CCDC187: variants seen among roughly 807,000 people sequenced by gnomAD.
The protein encoded by CCDC187 is coiled-coil domain-containing protein 187.
Under a neutral mutation model 38.0 loss-of-function variants are expected in CCDC187, and 32 were observed. The observed-to-expected ratio is 0.84, with a 90% CI of 0.64 to 1.13. The LOEUF (loss-of-function observed/expected upper bound fraction) is 1.13, where lower values mean the gene tolerates loss of function less well. CCDC187 is among the 50% of genes most tolerant of loss of function. The pLI is 0.00. For synonymous variants in CCDC187, 333 were observed against 347.9 expected, an observed-to-expected ratio of 0.96 and a Z score of 0.48; for missense variants, 707 against 786.8, an observed-to-expected ratio of 0.90 and a Z score of 1.21.
intron 7 of CCDC187, among the ~76,000 whole-genome samples, chr9:136,287,100 G>A (rs1388130014): frequency 1.3e-5 from 2 of 152,298 alleles, no homozygotes; most frequent in African/African-American, 4.8e-5. Context: ...GCCAAAAGGT[G>A]GAAACCACCC....
intron 10 of CCDC187, 123 bp downstream of exon 10, chr9:136,281,428 T>C: frequency 5.0e-6 from 2 of 398,122 alleles, no homozygotes; most frequent in South Asian, 2.5e-4. Flanking sequence ...GCTCTCCACG[T>C]GGAAAAGGAT....
intron 12 of CCDC187, 30 bp downstream of exon 12, chr9:136,276,162 CAG>C (rs1830926977): frequency 6.6e-6 from 1 of 152,256 alleles, no homozygotes; most frequent in Non-Finnish European, 1.5e-5. Flanking sequence ...CCTGCAGAGA[CAG>C]GGGCTCCCCC....
chr9:136,283,489 G>C (rs1831096130), intron 9 of CCDC187, among the ~76,000 whole-genome samples: 1 of 152,236 alleles, frequency 6.6e-6, no homozygotes, highest in Non-Finnish European at 1.5e-5. Flanking sequence ...GCGAGCCTCT[G>C]AGCCTCTCCC....
intron 4 of CCDC187, among the ~76,000 whole-genome samples, chr9:136,292,735 C>A (rs1220741512): frequency 6.6e-6 from 1 of 152,212 alleles, no homozygotes; most frequent in Non-Finnish European, 1.5e-5. Context: ...TCGGGCTCCG[C>A]GCAGCACGGG....
At chr9:136,284,121 A>AGAGGG (rs1402125421) in intron 9 of CCDC187, among the ~76,000 whole-genome samples, 3 of 151,692 alleles carry the variant, frequency 2.0e-5, no homozygotes, top group Non-Finnish European at 4.4e-5. Flanking sequence ...CAGCAGGAGG[A>AGAGGG]GAGGGGAGGG....
In CCDC187 at chr9:136,251,000, G is replaced by A. The variant is rs1830528995; in HGVS notation, c.*2594C>T. ...GTGTCCTGTGACCTGGCATCTTAGG[G>A]CTTTGCCACGCCAGCTTTGTGATGC... On this transcript the variant is annotated 3_prime_UTR_variant, in exon 26 of 26. Transcript: ENST00000638797. 2 of 456,266 alleles carry A rather than the reference G, an allele frequency of 4.4e-6. No homozygotes were observed. The highest frequency in any genetic ancestry group is 4.7e-5 in the Admixed American group (2 of 42,586). The allele number at this position is 456,266 out of a possible 1,614,324, so 28.3% of individuals were successfully genotyped here.
In CCDC187 at chr9:136,258,588, T is replaced by A. The variant is rs1198623118; in HGVS notation, c.4366+344A>T. On this transcript the variant is annotated intron_variant, in intron 22 of 25. Transcript: ENST00000638797. This position sits in a 1 kb window ranked among gnomAD's most constrained non-coding sequence, Gnocchi z 4.3. ...AAGGTTCAGAAAGAGAAAAATGTAA[T>A]CGGTGCAGAAACCTCCGTCAGCTGA... 18 of 645,254 alleles carry A rather than the reference T, an allele frequency of 2.8e-5. No individual in the cohort carries two copies. Among genetic ancestry groups the A allele is most frequent in the Non-Finnish European group, 2.9e-5 (15 of 519,584 alleles). The allele number at this position is 645,254 out of a possible 1,614,324, so 40.0% of individuals were successfully genotyped here.
intron 19 of CCDC187, among the ~76,000 whole-genome samples, chr9:136,261,780 G>A (rs1025843443): frequency 2.6e-5 from 4 of 152,200 alleles, no homozygotes; most frequent in African/African-American, 7.2e-5. Flanking sequence ...GCTGCCCCCC[G>A]CTTTCTGCTT....
chr9:136,260,957 G>C (rs915192993), intron 19 of CCDC187, among the ~76,000 whole-genome samples: 3 of 152,204 alleles, frequency 2.0e-5, no homozygotes, highest in Admixed American at 1.3e-4. Context: ...TCCAGGGCCC[G>C]GCACTCAGCC....
intron 2 of CCDC187, among the ~76,000 whole-genome samples, chr9:136,301,473 A>T (rs1831680623): frequency 6.6e-6 from 1 of 152,104 alleles, no homozygotes; most frequent in Admixed American, 6.6e-5. Context: ...TGGGAAGATG[A>T]ACAGTCCTGG....
At chr9:136,299,445 C>A (rs987362532) in intron 3 of CCDC187, among the ~76,000 whole-genome samples, 16 of 152,212 alleles carry the variant, frequency 1.1e-4, no homozygotes, top group Admixed American at 2.0e-4. Context: ...GAGCCCGAAA[C>A]GCCTCCGCTC....
At chr9:136,295,136 A>G (rs1831503499) in intron 4 of CCDC187, among the ~76,000 whole-genome samples, 1 of 152,252 alleles carries the variant, frequency 6.6e-6, no homozygotes, top group African/African-American at 2.4e-5. Context: ...AGTTGAGGCC[A>G]GCGTGACCCA....
rs1299545137 is a variant in CCDC187, at chr9:136,279,652, A to G, written c.3040+1899T>C. ...CGGTCAGCAAATCCAGCAGTGGGAG[A>G]ACGGAGCCCCATCCCAGCCCATACC... On this transcript the variant is annotated intron_variant, in intron 10 of 25. Coordinates refer to ENST00000638797, the MANE Select transcript of CCDC187 (RefSeq NM_001378188.1). 2.0e-5 allele frequency among the ~76,000 whole-genome samples: 3 copies of G among 152,172 alleles called. No individual in the cohort carries two copies. In the East Asian group the frequency reaches 5.8e-4, roughly 29 times the overall value.
At position 136,264,698 on chromosome 9, in the gene CCDC187, C is replaced by T. The variant is rs1218579551; in HGVS notation, c.3736-900G>A. 1.3e-5 allele frequency among the ~76,000 whole-genome samples: 2 copies of T among 151,930 alleles called. No individual in the cohort carries two copies. Among genetic ancestry groups the T allele is most frequent in the Admixed American group, 1.3e-4 (2 of 15,268 alleles). On this transcript the variant is annotated intron_variant, in intron 17 of 25. Transcript: ENST00000638797. This position sits in a 1 kb window ranked among gnomAD's most constrained non-coding sequence, Gnocchi z 4.3. The stretch of plus-strand genomic sequence containing the variant: ...CGGGGCTTTCCAGTCAACATAAGGT[C>T]CTGCACTGACCCCATTTCCCAGCAG...
intron 3 of CCDC187, 133 bp from the exon 4 acceptor site, chr9:136,297,954 C>A (rs1831576252): frequency 5.1e-6 from 2 of 393,504 alleles, no homozygotes; most frequent in Non-Finnish European, 9.0e-6. Context: ...CAGTCCTGCT[C>A]CCTGCTTGGC....
chr9:136,272,747 G>A (rs1554762608), intron 14 of CCDC187, among the ~76,000 whole-genome samples: 1 of 151,784 alleles, frequency 6.6e-6, no homozygotes, highest in African/African-American at 2.4e-5. Flanking sequence ...GGTGGTGCAT[G>A]CCTGTGGTCC....
rs1831328338 is a variant in CCDC187 at position 136,291,463 on chromosome 9, C to G, written c.1150G>C (p.Ala384Pro). Residue 384 changes from alanine (A) to proline (P), a missense_variant, in exon 6 of 26, where the codon GCT becomes CCT. Ala to Pro is a conservative substitution (Grantham distance 27). Transcript: ENST00000638797. Reference protein sequence around the residue: ...ILQDLRQQIQAGLELAQARKG... With the variant: ...ILQDLRQQIQPGLELAQARKG... Reference sequence around the variant, plus strand: ...CGGGCCTGGGCCAGCTCCAGCCCAGCCTGGATTTGCTGGCGCAGGTCTTGT... The same window carrying G: ...CGGGCCTGGGCCAGCTCCAGCCCAGGCTGGATTTGCTGGCGCAGGTCTTGT... 1 of 398,624 alleles carries G rather than the reference C, an allele frequency of 2.5e-6. No homozygotes were observed. Among genetic ancestry groups the G allele is most frequent in the Admixed American group, 4.4e-5 (1 of 22,718 alleles). The allele number at this position is 398,624 out of a possible 1,614,324, so 24.7% of individuals were successfully genotyped here.
intron 4 of CCDC187, among the ~76,000 whole-genome samples, chr9:136,294,274 G>A (rs1029844241): frequency 1.2e-4 from 17 of 143,310 alleles, no homozygotes; most frequent in East Asian, 6.3e-4. Flanking sequence ...ATATACACAC[G>A]CCCTCACATG....
chr9:136,294,135 C>T (rs1400553635), intron 4 of CCDC187, among the ~76,000 whole-genome samples: 25 of 150,470 alleles, frequency 1.7e-4, no homozygotes, highest in East Asian at 1.6e-3. Context: ...CTCATACACA[C>T]GCCCTCACAT....
Sources: gnomAD v4.1 joint callset for allele counts (sites outside exome capture counted in the v4.1 genomes callset) on GRCh38, gnomAD v4.1.1 for gene constraint, Gnocchi (gnomAD v3.1) non-coding constraint, MANE v1.5 for transcripts, NCBI Gene and HGNC (gene_info 2026-07-23, HGNC 2026-07-21) for gene names.